Variants in WDR59 observed in about 807,000 individuals in gnomAD.
WDR59 encodes WD repeat domain 59, also known as GATOR2 complex protein WDR59.
A neutral mutation model predicts 131.2 loss-of-function variants in WDR59; 100 were observed. The ratio of observed to expected loss-of-function variants is 0.76; its 90% CI spans 0.65 to 0.90. The LOEUF is 0.90. WDR59 is among the 40% of genes least tolerant of loss of function. The pLI is 0.00. For synonymous variants in WDR59, 601 were observed against 466.2 expected, an observed-to-expected ratio of 1.29 and a Z score of -3.72; for missense variants, 1,203 against 1,262.2, an observed-to-expected ratio of 0.95 and a Z score of 0.71.
chr16:74,936,275 C>A (rs1440038439), intron 8 of WDR59, among the ~76,000 whole-genome samples: 1 of 151,946 alleles, frequency 6.6e-6, no homozygotes, highest in African/African-American at 2.4e-5. Context: ...TTGACCAAGG[C>A]TCTTCTGATA....
chr16:74,933,175 C>T (rs913931247), intron 8 of WDR59, among the ~76,000 whole-genome samples: 2 of 152,100 alleles, frequency 1.3e-5, no homozygotes, highest in Admixed American at 6.6e-5. Flanking sequence ...GTGGCATACA[C>T]CTGTAGTCCT....
At chr16:74,972,895 A>T (rs555655407) in intron 1 of WDR59, among the ~76,000 whole-genome samples, 19 of 151,584 alleles carry the variant, frequency 1.3e-4, no homozygotes, top group Admixed American at 1.2e-3. Flanking sequence ...ACTGATTATT[A>T]AAAGGGTCCG....
At chr16:74,924,399 T>A (rs1390102882) in intron 8 of WDR59, among the ~76,000 whole-genome samples, 1 of 152,118 alleles carries the variant, frequency 6.6e-6, no homozygotes, top group Non-Finnish European at 1.5e-5. Context: ...TATTTAGAAC[T>A]TTTTTTTCCC....
chr16:74,879,032 G>A lies in WDR59; in HGVS notation c.2690-4588C>T, dbSNP rs371803466. Among the ~76,000 whole-genome samples the A allele has an allele frequency of 1.9e-4, 29 of 152,258 alleles. 1 individual carries two copies. The East Asian group carries it at 5.6e-3, about 29-fold the overall frequency. On this transcript the variant is annotated intron_variant, in intron 25 of 25. Transcript: ENST00000262144. ...ACTCTTCACTACTGATATTACTGAAGAGATTCCTGAATACCAACTTTCCAA... is the reference window on the plus strand; with the variant it reads ...ACTCTTCACTACTGATATTACTGAAAAGATTCCTGAATACCAACTTTCCAA...
rs151014174 is a variant in WDR59, at chr16:74,970,447, G to C, written c.55-4625C>G. On this transcript the variant is annotated intron_variant, in intron 1 of 25. Coordinates refer to ENST00000262144, the MANE Select transcript of WDR59 (RefSeq NM_030581.4). Reference sequence around the variant, plus strand: ...GGAGGCGGAGCTTGCAGTGAGCCAAGATGCGCCACTGCACTCCAGCCTGGG... The same window carrying C: ...GGAGGCGGAGCTTGCAGTGAGCCAACATGCGCCACTGCACTCCAGCCTGGG... 1.0e-4 allele frequency among the ~76,000 whole-genome samples: 14 copies of C among 138,866 alleles called. No individual in the cohort carries two copies. The East Asian group carries it at 2.7e-3, about 27-fold the overall frequency. 91.1% of individuals were successfully genotyped at this position (138,866 alleles called of 152,430 possible). A position where few individuals can be genotyped will look rare whatever the true frequency, so the allele number is the denominator to read the frequency against.
chr16:74,949,980 G>C (rs2032900039), intron 4 of WDR59, 182 bp from the exon 5 acceptor site: 1 of 666,902 alleles, frequency 1.5e-6, no homozygotes, highest in Non-Finnish European at 2.8e-6. Context: ...GAAGGAAACT[G>C]TCAGGTCCTT....
chr16:74,909,969 GTTTTT>G, intron 14 of WDR59, 52 bp from the exon 15 acceptor site: 2 of 941,330 alleles, frequency 2.1e-6, no homozygotes, highest in East Asian at 3.2e-5. Context: ...TCTCTGATAG[GTTTTT>G]TTTTTTTTTT....
At chr16:74,966,117 G>C (rs1051503709) in intron 1 of WDR59, among the ~76,000 whole-genome samples, 1 of 151,994 alleles carries the variant, frequency 6.6e-6, no homozygotes, top group Non-Finnish European at 1.5e-5. Flanking sequence ...ATTCATTTTT[G>C]ACAATAGGGC....
intron 25 of WDR59, among the ~76,000 whole-genome samples, chr16:74,876,732 T>C (rs529555695): frequency 5.3e-5 from 8 of 152,290 alleles, no homozygotes; most frequent in Admixed American, 2.6e-4. Flanking sequence ...ACGCTCTCCC[T>C]TGCCTCTGCC....
chr16:74,943,691 G>A (rs552639648), intron 6 of WDR59, among the ~76,000 whole-genome samples: 3 of 152,240 alleles, frequency 2.0e-5, no homozygotes, highest in East Asian at 1.9e-4. Context: ...TGACATTACT[G>A]CTGTGACACC....
intron 8 of WDR59, among the ~76,000 whole-genome samples, chr16:74,936,312 T>C (rs978959958): frequency 7.9e-5 from 12 of 152,046 alleles, no homozygotes; most frequent in Non-Finnish European, 1.5e-4. Context: ...TTTGTCTATA[T>C]AGATATGTAT....
At chr16:74,912,074 A>T (rs1432517857) in intron 14 of WDR59, 124 bp downstream of exon 14, 17 of 1,300,772 alleles carry the variant, frequency 1.3e-5, no homozygotes, top group Non-Finnish European at 1.9e-5. Context: ...CGTTGCTAAT[A>T]CTAGTGTGTG....
At chr16:74,928,799 C>T (rs906613003) in intron 8 of WDR59, among the ~76,000 whole-genome samples, 2 of 152,042 alleles carry the variant, frequency 1.3e-5, no homozygotes, top group Non-Finnish European at 2.9e-5. Context: ...ATCCCAGCTA[C>T]TCAGGAAGCT....
chr16:74,958,730 A>G (rs1384505239), intron 2 of WDR59, among the ~76,000 whole-genome samples: 1 of 151,954 alleles, frequency 6.6e-6, no homozygotes, highest in Non-Finnish European at 1.5e-5. Context: ...TAGGGCTAGA[A>G]GACAACAAGC....
chr16:74,980,708 C>T (rs558217184), intron 1 of WDR59, among the ~76,000 whole-genome samples: 28 of 152,202 alleles, frequency 1.8e-4, no homozygotes, highest in Non-Finnish European at 3.4e-4. Context: ...TGCAATGGCT[C>T]ACATCTGTAA....
chr16:74,878,065 T>C (rs1597620597), intron 25 of WDR59, among the ~76,000 whole-genome samples: 1 of 152,224 alleles, frequency 6.6e-6, no homozygotes, highest in African/African-American at 2.4e-5. Context: ...ACAGATTTGT[T>C]CCCTCACTAT....
chr16:74,945,879 C>T (rs996065053), intron 6 of WDR59, among the ~76,000 whole-genome samples: 2 of 146,710 alleles, frequency 1.4e-5, no homozygotes, highest in East Asian at 2.0e-4. Context: ...AGTGCAATGG[C>T]GTGATCTCGC....
intron 7 of WDR59, among the ~76,000 whole-genome samples, chr16:74,939,158 C>T (rs1483943325): frequency 1.3e-5 from 2 of 152,014 alleles, no homozygotes; most frequent in African/African-American, 4.8e-5. Context: ...TGAAGCTGGT[C>T]TCGAACTCCT....
chr16:74,931,492 T>C (rs1295452537), intron 8 of WDR59, among the ~76,000 whole-genome samples: 1 of 152,034 alleles, frequency 6.6e-6, no homozygotes, highest in African/African-American at 2.4e-5. Flanking sequence ...GTTGCTACCA[T>C]GCCTGGCTAA....
Sources: gnomAD v4.1 joint callset for allele counts (sites outside exome capture counted in the v4.1 genomes callset) on GRCh38, gnomAD v4.1.1 for gene constraint, MANE v1.5 for transcripts, NCBI Gene and HGNC (gene_info 2026-07-23, HGNC 2026-07-21) for gene names.